FHIT: variants seen among roughly 807,000 people sequenced by gnomAD.
FHIT encodes bis(5'-adenosyl)-triphosphatase.
Under a neutral mutation model 17.9 loss-of-function variants are expected in FHIT, and 19 were observed. The observed-to-expected ratio is 1.06, with a 90% CI of 0.74 to 1.56. The LOEUF is 1.56. Among genes scored for constraint, FHIT ranks in the 40% most tolerant of loss-of-function variants. The pLI, the probability that FHIT is intolerant of heterozygous loss-of-function variation, is 0.00. For synonymous variants in FHIT, 81 were observed against 69.7 expected (o/e 1.16, Z -0.81); for missense variants, 248 against 189.2 (o/e 1.31, Z -1.82).
At chr3:59,982,290 T>C (rs1373602697) in intron 7 of FHIT, among the ~76,000 whole-genome samples, 3 of 152,176 alleles carry the variant, frequency 2.0e-5, no homozygotes, top group Non-Finnish European at 4.4e-5. Flanking sequence ...TATGAAAATC[T>C]GTCTTTTAAT....
chr3:59,882,126 A>G (rs941449903), intron 8 of FHIT, among the ~76,000 whole-genome samples: 2 of 151,456 alleles, frequency 1.3e-5, no homozygotes, highest in African/African-American at 4.9e-5. Context: ...TCAGGCACAG[A>G]CATGCTCAAA....
chr3:61,196,695 G>A (rs2038861390), intron 2 of FHIT, among the ~76,000 whole-genome samples: 1 of 152,104 alleles, frequency 6.6e-6, no homozygotes. Context: ...GCTGGACTTA[G>A]CAAAAATTCC....
intron 8 of FHIT, among the ~76,000 whole-genome samples, chr3:59,775,396 T>G (rs529154379): frequency 6.6e-6 from 1 of 152,252 alleles, no homozygotes; most frequent in African/African-American, 2.4e-5. Context: ...GTAAGTAATT[T>G]TCCTCTAGGT....
At chr3:60,683,383 T>G (rs181751087) in intron 4 of FHIT, among the ~76,000 whole-genome samples, 1 of 152,296 alleles carries the variant, frequency 6.6e-6, no homozygotes, top group Admixed American at 6.5e-5. Context: ...CCACAGCCAC[T>G]TCTGCCCTCA....
chr3:60,311,191 T>C (rs547982341), intron 5 of FHIT, among the ~76,000 whole-genome samples: 1 of 151,984 alleles, frequency 6.6e-6, no homozygotes, highest in East Asian at 1.9e-4. Flanking sequence ...AACATTACTT[T>C]GTCTTTCTGT....
chr3:59,877,229 T>G (rs1703204777), intron 8 of FHIT, among the ~76,000 whole-genome samples: 1 of 152,088 alleles, frequency 6.6e-6, no homozygotes, highest in African/African-American at 2.4e-5. Flanking sequence ...TTGGAACTTT[T>G]TGAATCATGA....
intron 5 of FHIT, among the ~76,000 whole-genome samples, chr3:60,481,350 A>G (rs1321079957): frequency 6.6e-6 from 1 of 152,162 alleles, no homozygotes; most frequent in Non-Finnish European, 1.5e-5. Flanking sequence ...CCAGAAGAAG[A>G]GCAACCCCAA....
chr3:59,873,098 A>T (rs942084032), intron 8 of FHIT, among the ~76,000 whole-genome samples: 2 of 152,092 alleles, frequency 1.3e-5, no homozygotes, highest in Admixed American at 1.3e-4. Flanking sequence ...ACCCACTTTG[A>T]GTTGGCACTT....
chr3:60,696,245 T>C (rs782764575), intron 4 of FHIT, among the ~76,000 whole-genome samples: 1 of 152,178 alleles, frequency 6.6e-6, no homozygotes, highest in Non-Finnish European at 1.5e-5. Context: ...CCTAGCAGAT[T>C]TAACCAGATC....
intron 5 of FHIT, among the ~76,000 whole-genome samples, chr3:60,414,305 T>C (rs180707521): frequency 6.6e-6 from 1 of 152,238 alleles, no homozygotes; most frequent in African/African-American, 2.4e-5. Context: ...GTCACCGAAC[T>C]AGGAAGCACA....
At chr3:60,728,704 TAC>T (rs56012549) in intron 4 of FHIT, among the ~76,000 whole-genome samples, 31,340 of 147,258 alleles carry the variant, frequency 0.21, 3,334 homozygotes, top group African/African-American at 0.25. Flanking sequence ...CACACACACA[TAC>T]ACACACACAC....
chr3:60,386,904 T>C (rs1408388498), intron 5 of FHIT, among the ~76,000 whole-genome samples: 1 of 152,090 alleles, frequency 6.6e-6, no homozygotes, highest in Non-Finnish European at 1.5e-5. Flanking sequence ...CAACTGGTGG[T>C]CCACAATTCC....
At chr3:60,540,551 G>T (rs1001099396) in intron 4 of FHIT, among the ~76,000 whole-genome samples, 2 of 152,174 alleles carry the variant, frequency 1.3e-5, no homozygotes, top group African/African-American at 2.4e-5. Flanking sequence ...GCTGGTGTCC[G>T]CTGCTTTGTG....
intron 2 of FHIT, among the ~76,000 whole-genome samples, chr3:61,114,578 C>T (rs2036248059): frequency 6.6e-6 from 1 of 152,140 alleles, no homozygotes; most frequent in Admixed American, 6.5e-5. Context: ...AAAAAACAAT[C>T]ATTGGTGCTT....
At chr3:59,853,696 G>A (rs764310290) in intron 8 of FHIT, among the ~76,000 whole-genome samples, 1 of 152,062 alleles carries the variant, frequency 6.6e-6, no homozygotes, top group Non-Finnish European at 1.5e-5. Flanking sequence ...GTGTGCATGT[G>A]TGTGTGTGAC....
chr3:59,928,994 C>CA (rs56107626), intron 7 of FHIT, among the ~76,000 whole-genome samples: 3,411 of 33,152 alleles, frequency 0.1, 648 homozygotes, highest in African/African-American at 0.12. Context: ...GACTTCATCT[C>CA]AAAAAAAAAA....
intron 5 of FHIT, among the ~76,000 whole-genome samples, chr3:60,178,925 C>G (rs1391877476): frequency 1.3e-5 from 2 of 152,032 alleles, no homozygotes; most frequent in African/African-American, 2.4e-5. Flanking sequence ...ACGATTTTCC[C>G]TTTGTTCTTT....
intron 5 of FHIT, among the ~76,000 whole-genome samples, chr3:60,309,491 G>C (rs1246706821): frequency 6.6e-6 from 1 of 152,108 alleles, no homozygotes; most frequent in Non-Finnish European, 1.5e-5. Flanking sequence ...AAAACTTTTT[G>C]TTTAAGCCAA....
At chr3:60,987,997 C>T (rs569718409) in intron 3 of FHIT, among the ~76,000 whole-genome samples, 1 of 152,270 alleles carries the variant, frequency 6.6e-6, no homozygotes, top group South Asian at 2.1e-4. Flanking sequence ...CGCTTATTCC[C>T]AGGATTAATT....
Sources: gnomAD v4.1 joint callset for allele counts (sites outside exome capture counted in the v4.1 genomes callset) on GRCh38, gnomAD v4.1.1 for gene constraint, MANE v1.5 for transcripts, NCBI Gene and HGNC (gene_info 2026-07-23, HGNC 2026-07-21) for gene names.